Variants in NEXN observed in about 807,000 individuals in gnomAD.
NEXN encodes the protein nexilin F-actin binding protein.
A neutral mutation model predicts 92.6 loss-of-function variants in NEXN; 65 were observed. The observed-to-expected ratio is 0.70, with a 90% CI of 0.57 to 0.86. The LOEUF (loss-of-function observed/expected upper bound fraction) is 0.86, where lower values mean the gene tolerates loss of function less well. Ranked by LOEUF, NEXN falls within the 40% of genes least tolerant of loss-of-function variation. NEXN has a pLI of 0.00. For missense variants in NEXN, 778 were observed against 771.1 expected (o/e 1.01, Z -0.11); for synonymous variants, 254 against 242.5 (o/e 1.05, Z -0.44).
chr1:77,900,226 G>C (rs1354261422), intron 1 of NEXN, among the ~76,000 whole-genome samples: 1 of 151,866 alleles, frequency 6.6e-6, no homozygotes, highest in Non-Finnish European at 1.5e-5. Flanking sequence ...TCTTTTTCCT[G>C]GATGCCTTTA....
rs747246762 is a variant in NEXN at position 77,908,069 on chromosome 1, T to C, written c.-52-7986T>C. ...TTCGAGACCAGCCTGGGCAACAGAGTGAGACCCCTGTCTCTATTTTTTTTT... is the reference window on the plus strand; with the variant it reads ...TTCGAGACCAGCCTGGGCAACAGAGCGAGACCCCTGTCTCTATTTTTTTTT... On this transcript the variant is annotated intron_variant, in intron 1 of 12. Coordinates refer to ENST00000334785, the MANE Select transcript of NEXN (RefSeq NM_144573.4). Among the ~76,000 whole-genome samples, 237 of 151,928 alleles carry C rather than the reference T, an allele frequency of 1.6e-3. 4 individuals are homozygous for C. The highest frequency in any genetic ancestry group is 6.2e-4 in the Non-Finnish European group (42 of 67,974).
At chr1:77,896,588 C>T (rs969560098) in intron 1 of NEXN, among the ~76,000 whole-genome samples, 1 of 152,054 alleles carries the variant, frequency 6.6e-6, no homozygotes, top group Non-Finnish European at 1.5e-5. Context: ...GGTGAAACCC[C>T]ATCCCTACTA....
chr1:77,894,287 G>T (rs1315686734), intron 1 of NEXN, among the ~76,000 whole-genome samples: 2 of 152,280 alleles, frequency 1.3e-5, no homozygotes, highest in East Asian at 3.9e-4. Flanking sequence ...GAGGAATTGT[G>T]TATTGGTAGG....
chr1:77,919,554 T>C (rs1317648905), intron 5 of NEXN, among the ~76,000 whole-genome samples: 1 of 151,414 alleles, frequency 6.6e-6, no homozygotes, highest in Non-Finnish European at 1.5e-5. Context: ...ACATGGCCCA[T>C]GCAAGTCTGA....
chr1:77,926,163 A>C (rs971111102), intron 6 of NEXN, among the ~76,000 whole-genome samples: 3 of 152,202 alleles, frequency 2.0e-5, no homozygotes, highest in Non-Finnish European at 4.4e-5. Flanking sequence ...TTATCCAAAC[A>C]GCTGTATTAA....
intron 8 of NEXN, among the ~76,000 whole-genome samples, chr1:77,928,008 C>T (rs1309399301): frequency 3.9e-5 from 6 of 152,030 alleles, no homozygotes; most frequent in East Asian, 1.9e-4. Flanking sequence ...TTCCAAACCT[C>T]GTTTTAAGAT....
At chr1:77,935,367 C>T (rs17382879) in intron 10 of NEXN, among the ~76,000 whole-genome samples, 4,812 of 152,180 alleles carry the variant, frequency 0.032, 122 homozygotes, top group Middle Eastern at 0.041. Context: ...TTTTGCCTTC[C>T]CCTAACAAAG....
At chr1:77,936,333 A>T (rs1010870541) in intron 11 of NEXN, among the ~76,000 whole-genome samples, 2 of 152,196 alleles carry the variant, frequency 1.3e-5, no homozygotes, top group Non-Finnish European at 1.5e-5. Flanking sequence ...CACGCCTATA[A>T]TCCCAGCACT....
intron 5 of NEXN, among the ~76,000 whole-genome samples, chr1:77,923,879 T>C (rs544361997): frequency 4.0e-5 from 6 of 149,802 alleles, no homozygotes; most frequent in African/African-American, 1.2e-4. Context: ...GGTTTCACCA[T>C]GTTGGGCAGG....
At position 77,936,026 on chromosome 1, in the gene NEXN, A is replaced by C; in HGVS notation, c.1455A>C (p.Glu485Asp). Residue 485 changes from glutamate to aspartate, a missense_variant, in exon 11 of 13, where the codon GAA (glutamate) becomes GAC (aspartate). Physicochemically the swap from Glu to Asp is conservative, Grantham distance 45. This residue lies in a region of NEXN where 532 missense variants were observed against 476.7 expected (regional missense o/e 1.12). Coordinates refer to ENST00000334785, the MANE Select transcript of NEXN (RefSeq NM_144573.4). ...RAIDLEIKER[E>D]AENFHEEDDV... ...TTGACCTTGAAATTAAAGAGCGAGA[A>C]GCTGAAAATTTTCATGAGGTATATT... 1 of 1,613,216 alleles carries C rather than the reference A, an allele frequency of 6.2e-7. No individual in the cohort carries two copies. Among genetic ancestry groups the C allele is most frequent in the Non-Finnish European group, 8.5e-7 (1 of 1,179,406 alleles).
intron 9 of NEXN, among the ~76,000 whole-genome samples, chr1:77,931,019 C>A (rs1650241842): frequency 6.6e-6 from 1 of 152,114 alleles, no homozygotes; most frequent in Admixed American, 6.5e-5. Flanking sequence ...ATCCCTGATT[C>A]ATAAATGGTT....
chr1:77,914,532 TA>T (rs1041343426), intron 1 of NEXN, among the ~76,000 whole-genome samples: 2 of 152,042 alleles, frequency 1.3e-5, no homozygotes, highest in African/African-American at 4.8e-5. Flanking sequence ...ATAATTACAT[TA>T]AATGTTAATG....
Position 77,942,739 on chromosome 1 carries a change from A to C in NEXN, c.1938A>C (p.Pro646=), listed in dbSNP as rs1571176052. The C allele has an allele frequency of 1.2e-6, 2 of 1,613,834 alleles. No individual in the cohort carries two copies. The highest frequency in any genetic ancestry group is 2.2e-5 in the South Asian group (2 of 91,070). Residue 646 remains proline (P), a synonymous_variant, in exon 13 of 13, where the codon CCA becomes CCC. Transcript: ENST00000334785. ...TYCLYLPETF[P]EDGGEYMCKA... is the part of the protein sequence containing the mutation. Reference sequence around the variant, plus strand: ...GCCTTTACTTACCAGAAACTTTCCCAGAAGATGGAGGAGAGTATATGTGTA... The same window carrying C: ...GCCTTTACTTACCAGAAACTTTCCCCGAAGATGGAGGAGAGTATATGTGTA...
intron 1 of NEXN, among the ~76,000 whole-genome samples, chr1:77,903,206 T>C (rs2102053481): frequency 6.6e-6 from 1 of 152,056 alleles, no homozygotes; most frequent in East Asian, 1.9e-4. Context: ...TGGTGGGCTG[T>C]TATCCTATCA....
At position 77,935,939 on chromosome 1, in the gene NEXN, A is replaced by C. The variant is rs397517845; in HGVS notation, c.1368A>C (p.Gly456=). ...KNLKSKFEKI[G]QLSEKEIQKK... is the part of the protein sequence containing the mutation. ...TAAAAAGCAAGTTTGAAAAAATTGG[A>C]CAGTTGTCTGAAAAAGAAATACAGA... is the stretch of plus-strand genomic sequence containing the variant. Residue 456 remains glycine (G), a synonymous_variant, in exon 11 of 13, where the codon GGA becomes GGC. Transcript: ENST00000334785. The C allele has an allele frequency of 6.9e-5, 112 of 1,613,908 alleles. No homozygotes were observed. The highest frequency in any genetic ancestry group is 9.1e-5 in the Non-Finnish European group (107 of 1,179,958).
chr1:77,918,094 A>G (rs760777343), intron 4 of NEXN, 31 bp from the exon 5 acceptor site: 1 of 1,613,074 alleles, frequency 6.2e-7, no homozygotes, highest in South Asian at 1.1e-5. Flanking sequence ...AACATAACCA[A>G]GTATCAAACT....
Position 77,925,218 on chromosome 1 carries a change from T to A in NEXN, c.478T>A (p.Ser160Thr), listed in dbSNP as rs1649753410. ...GGACATAAACAATACGGGAACTGAA[T>A]CAGCATCAGAGGTAAACAGACATTT... Reference protein sequence around the residue: ...IEDINNTGTESASEEGDDSLL... With the variant: ...IEDINNTGTETASEEGDDSLL... The change falls in exon 6 of 13, where the codon TCA becomes ACA. Residue 160 changes from serine (S) to threonine (T), a missense_variant. Physicochemically the swap from Ser to Thr is moderately conservative, Grantham distance 58. Coordinates refer to ENST00000334785, the MANE Select transcript of NEXN (RefSeq NM_144573.4). 1 of 1,597,656 alleles carries A rather than the reference T, an allele frequency of 6.3e-7. No homozygotes were observed. The highest frequency in any genetic ancestry group is 1.7e-5 in the Admixed American group (1 of 59,916).
rs143787941 is a variant in NEXN, at chr1:77,920,371, T to C, written c.447+2098T>C. Among the ~76,000 whole-genome samples, 530 of 152,256 alleles carry C rather than the reference T, an allele frequency of 3.5e-3. 1 individual carries two copies. Among genetic ancestry groups the C allele is most frequent in the Non-Finnish European group, 6.4e-3 (434 of 68,008 alleles). ...TAAAATTTATTTGTATAAATCCATA[T>C]GCAAGAATGCCATAAAGGATTCCTG... is the stretch of plus-strand genomic sequence containing the variant. On this transcript the variant is annotated intron_variant, in intron 5 of 12. Coordinates refer to ENST00000334785, the MANE Select transcript of NEXN (RefSeq NM_144573.4).
In NEXN at chr1:77,888,720, G is replaced by A. The variant is rs1447800975; in HGVS notation, c.-92G>A. 6.5e-6 allele frequency: 1 copy of A among 154,566 alleles called. No individual in the cohort carries two copies. The highest frequency in any genetic ancestry group is 2.4e-5 in the African/African-American group (1 of 41,482). The allele number at this position is 154,566 out of a possible 1,614,324, so 9.6% of individuals were successfully genotyped here. A position where few individuals can be genotyped will look rare whatever the true frequency, so the allele number is the denominator to read the frequency against. ...GGCGGGACGCGCACAGTCCCTCCAC[G>A]CGGAAAGAAGTACCTTCGCCGGTCA... On this transcript the variant is annotated 5_prime_UTR_variant, in exon 1 of 13. Coordinates refer to ENST00000334785, the MANE Select transcript of NEXN (RefSeq NM_144573.4).
Sources: allele counts gnomAD v4.1 joint callset (sites outside exome capture counted in the v4.1 genomes callset), GRCh38; gene constraint gnomAD v4.1.1; regional missense constraint gnomAD v4.1.1; transcripts MANE v1.5; gene names NCBI Gene and HGNC (gene_info 2026-07-23, HGNC 2026-07-21).